Variants in CAPS2 observed in about 807,000 individuals in gnomAD.
CAPS2 encodes the protein calcyphosine 2, also known as calcyphosin-2.
Under a neutral mutation model 86.5 loss-of-function variants are expected in CAPS2, and 98 were observed. The observed-to-expected ratio is 1.13, with a 90% CI of 0.96 to 1.34. The LOEUF (loss-of-function observed/expected upper bound fraction) is 1.34. Ranked by LOEUF, CAPS2 falls within the 40% of genes most tolerant of loss-of-function variation. CAPS2 has a pLI of 0.00. For synonymous variants in CAPS2, 210 were observed against 225.1 expected, an observed-to-expected ratio of 0.93 and a Z score of 0.60; for missense variants, 729 against 686.8, an observed-to-expected ratio of 1.06 and a Z score of -0.69.
rs377278250 is a variant in CAPS2, at chr12:75,376,100, G to A, written c.-395+14738C>T. Reference sequence around the variant, plus strand: ...TCTCTCTAAGCCTTTGGATCCCTTCGTCTACATTAAACCAAGGGACATCTG... The same window carrying A: ...TCTCTCTAAGCCTTTGGATCCCTTCATCTACATTAAACCAAGGGACATCTG... On this transcript the variant is annotated intron_variant, in intron 1 of 5. Transcript: ENST00000551829. 2.5e-4 allele frequency among the ~76,000 whole-genome samples: 38 copies of A among 152,224 alleles called. 1 individual carries two copies. The South Asian group carries it at 3.7e-3, about 15-fold the overall frequency.
intron 7 of CAPS2, among the ~76,000 whole-genome samples, chr12:75,311,700 GAAAAAAAAAAACAAAAAAAAAAAC>G (rs1235469025): frequency 1.2e-3 from 8 of 6,702 alleles, no homozygotes; most frequent in African/African-American, 2.4e-3. Flanking sequence ...AGCCATGCAG[GAAAAAAAAAAACAAAAAAAAAAAC>G]AAAAAAAAAA....
In CAPS2 at chr12:75,321,501, C is replaced by A; in HGVS notation, c.367G>T (p.Glu123Ter). ...TACTGCTTATAGCCCTCTTTAATTT[C>A]AGTTTTACATTGCTGATATTTTAGT... The change falls in exon 5 of 17, where the codon GAA (glutamate) becomes TAA (stop). Residue 123 changes from glutamate to a stop codon, truncating the protein, a stop_gained. Transcript: ENST00000393284. LOFTEE classifies it high-confidence loss of function. 7 of 1,547,866 alleles carry A rather than the reference C, an allele frequency of 4.5e-6. No individual in the cohort carries two copies. The highest frequency in any genetic ancestry group is 6.1e-6 in the Non-Finnish European group (7 of 1,143,812).
At chr12:75,279,463 G>C (rs921263634) in intron 16 of CAPS2, among the ~76,000 whole-genome samples, 1 of 151,866 alleles carries the variant, frequency 6.6e-6, no homozygotes, top group Non-Finnish European at 1.5e-5. Flanking sequence ...CCTCTAAAAC[G>C]TTTTAAAGTC....
intron 1 of CAPS2, among the ~76,000 whole-genome samples, chr12:75,356,153 AT>A (rs970463629): frequency 4.6e-5 from 7 of 152,130 alleles, no homozygotes; most frequent in African/African-American, 1.7e-4. Context: ...CAAAAATATA[AT>A]TTAAAAAAAG....
chr12:75,301,755 T>C (rs561314915), intron 8 of CAPS2, among the ~76,000 whole-genome samples: 1 of 152,224 alleles, frequency 6.6e-6, no homozygotes, highest in Non-Finnish European at 1.5e-5. Flanking sequence ...CAGTGACAAA[T>C]GGAAGTAATA....
intron 7 of CAPS2, chr12:75,306,436 T>C: frequency 3.0e-6 from 1 of 329,888 alleles, no homozygotes; most frequent in South Asian, 3.9e-5. Flanking sequence ...GTCACTAGAG[T>C]ATTCAGGATT....
At chr12:75,279,161 T>C in intron 16 of CAPS2, 96 bp from the exon 17 acceptor site, 2 of 1,122,954 alleles carry the variant, frequency 1.8e-6, no homozygotes, top group Admixed American at 2.6e-5. Flanking sequence ...ATGAAATACT[T>C]TCAACAATTT....
In CAPS2 at chr12:75,337,425, C is replaced by A. The variant is rs190039034; in HGVS notation, c.-394-14203G>T. 2.8e-3 allele frequency among the ~76,000 whole-genome samples: 428 copies of A among 151,762 alleles called. 2 individuals are homozygous for A. The highest frequency in any genetic ancestry group is 0.01 in the Middle Eastern group (3 of 286). On this transcript the variant is annotated intron_variant, in intron 1 of 5. Coordinates refer to the CAPS2 transcript ENST00000551829. ...AATGGAAAATCACTTTTAAAAAACT[C>A]CACACATTAAATGGATAGATAGAGA...
chr12:75,364,648 A>G (rs938757783), intron 1 of CAPS2, among the ~76,000 whole-genome samples: 1 of 152,224 alleles, frequency 6.6e-6, no homozygotes, highest in Admixed American at 6.5e-5. Context: ...TTTAACTTCT[A>G]TACATTGAGC....
intron 8 of CAPS2, among the ~76,000 whole-genome samples, chr12:75,302,064 G>A (rs778207511): frequency 1.3e-5 from 2 of 152,152 alleles, no homozygotes; most frequent in Non-Finnish European, 2.9e-5. Context: ...ACAATGCACA[G>A]GGCAGAATGT....
chr12:75,321,652 C>T (rs1043607572), intron 4 of CAPS2, 76 bp from the exon 5 acceptor site: 7 of 1,018,736 alleles, frequency 6.9e-6, no homozygotes, highest in Non-Finnish European at 1.0e-5. Flanking sequence ...AACAGGTTTA[C>T]CTCTTACCTT....
chr12:75,378,060 C>A (rs2044755159), intron 1 of CAPS2, among the ~76,000 whole-genome samples: 1 of 151,860 alleles, frequency 6.6e-6, no homozygotes, highest in Non-Finnish European at 1.5e-5. Context: ...TGCAGTGGTG[C>A]AATTTTGGCT....
chr12:75,309,749 A>G (rs541065824), intron 7 of CAPS2, among the ~76,000 whole-genome samples: 26 of 152,340 alleles, frequency 1.7e-4, no homozygotes, highest in Admixed American at 1.5e-3. Flanking sequence ...GTTAGGAACT[A>G]AATCTTCTTT....
chr12:75,276,887 G>A (rs899006455), downstream of CAPS2: 25 of 982,234 alleles, frequency 2.5e-5, no homozygotes, highest in Admixed American at 6.2e-5. Context: ...GAATTACAAA[G>A]ACTATTAAGC....
At chr12:75,300,677 G>A (rs550257054) in intron 8 of CAPS2, among the ~76,000 whole-genome samples, 1 of 151,090 alleles carries the variant, frequency 6.6e-6, no homozygotes, top group African/African-American at 2.4e-5. Flanking sequence ...GTCCTGGTAA[G>A]AGAGTGGCAT....
At chr12:75,315,158 GA>G (rs1251636522) in intron 6 of CAPS2, among the ~76,000 whole-genome samples, 2 of 152,094 alleles carry the variant, frequency 1.3e-5, no homozygotes, top group Non-Finnish European at 2.9e-5. Flanking sequence ...AATGAATTTA[GA>G]TACATTGCTC....
exon 17 of CAPS2, chr12:75,277,228 A>G: frequency 1.1e-6 from 1 of 919,602 alleles, no homozygotes; most frequent in Non-Finnish European, 1.3e-6. Flanking sequence ...TTTTTTTTAC[A>G]GTATAACAGA....
At chr12:75,336,173 C>A (rs2041723696) in intron 1 of CAPS2, among the ~76,000 whole-genome samples, 1 of 151,712 alleles carries the variant, frequency 6.6e-6, no homozygotes, top group Non-Finnish European at 1.5e-5. Context: ...GTTAAGAATG[C>A]ATATTTTAAT....
intron 1 of CAPS2, among the ~76,000 whole-genome samples, chr12:75,335,830 A>G (rs554806389): frequency 6.6e-6 from 1 of 152,174 alleles, no homozygotes; most frequent in South Asian, 2.1e-4. Context: ...TCCAAGGCAT[A>G]AATTAACTAG....
Sources: allele counts gnomAD v4.1 joint callset (sites outside exome capture counted in the v4.1 genomes callset), GRCh38; gene constraint gnomAD v4.1.1; transcripts MANE v1.5; gene names NCBI Gene and HGNC (gene_info 2026-07-23, HGNC 2026-07-21).